Variants in EML4 observed in about 807,000 individuals in gnomAD.
EML4 encodes echinoderm microtubule-associated protein-like 4.
Under a neutral mutation model 129.0 loss-of-function variants are expected in EML4, and 72 were observed. That is an observed-to-expected ratio of 0.56 (90% CI 0.46 to 0.68). The LOEUF is 0.68. EML4 is among the 30% of genes least tolerant of loss of function. EML4 has a pLI of 0.00. For missense variants in EML4, 1,363 were observed against 1,190.6 expected, an observed-to-expected ratio of 1.14 and a Z score of -2.13; for synonymous variants, 532 against 405.0, an observed-to-expected ratio of 1.31 and a Z score of -3.77.
chr2:42,228,187 C>G (rs1034059040), intron 1 of EML4, among the ~76,000 whole-genome samples: 11 of 151,468 alleles, frequency 7.3e-5, no homozygotes, highest in African/African-American at 2.4e-4. Flanking sequence ...TGCCACTGCA[C>G]TCCAGCCTGG....
At chr2:42,310,335 T>TCCTTCC (rs1196446907) in intron 17 of EML4, among the ~76,000 whole-genome samples, 9 of 145,706 alleles carry the variant, frequency 6.2e-5, no homozygotes, top group Admixed American at 2.8e-4. Flanking sequence ...CTTCCCCTTC[T>TCCTTCC]CCTTCCCCTT....
intron 8 of EML4, 54 bp downstream of exon 8, chr2:42,283,026 ATTT>A: frequency 6.7e-7 from 1 of 1,483,462 alleles, no homozygotes; most frequent in Non-Finnish European, 9.1e-7. Flanking sequence ...CTCATTTTGT[ATTT>A]TTTAAATTTG....
chr2:42,235,950 C>A (rs1387199054), intron 1 of EML4, among the ~76,000 whole-genome samples: 2 of 152,154 alleles, frequency 1.3e-5, no homozygotes, highest in African/African-American at 4.8e-5. Flanking sequence ...TATCCCCCAT[C>A]TACTTTTACA....
chr2:42,264,236 TC>T (rs1665927979), intron 5 of EML4, among the ~76,000 whole-genome samples: 1 of 150,414 alleles, frequency 6.6e-6, no homozygotes, highest in South Asian at 2.1e-4. Flanking sequence ...TACCCCAGCT[TC>T]CTGGGTAGTT....
chr2:42,240,291 A>G (rs1674942307), intron 1 of EML4, among the ~76,000 whole-genome samples: 1 of 152,222 alleles, frequency 6.6e-6, no homozygotes, highest in Admixed American at 6.5e-5. Flanking sequence ...CGAATAATAC[A>G]GGAATACATA....
chr2:42,330,122 A>T lies in EML4; in HGVS notation c.2861A>T (p.Tyr954Phe). The change falls in exon 23 of 23, where the codon TAT (tyrosine) becomes TTT (phenylalanine). Residue 954 changes from tyrosine (Y) to phenylalanine (F), a missense_variant. Coordinates refer to ENST00000318522, the MANE Select transcript of EML4 (RefSeq NM_019063.5). Reference sequence around the variant, plus strand: ...AGCGGAGACCTTGGTGAGCCTCTTTATGAAGAGCCATGCAACGAGATAAGC... The same window carrying T: ...AGCGGAGACCTTGGTGAGCCTCTTTTTGAAGAGCCATGCAACGAGATAAGC... ...EGSGDLGEPLYEEPCNEISKE... is the reference protein window; with the variant it reads ...EGSGDLGEPLFEEPCNEISKE... 6.2e-7 allele frequency: 1 copy of T among 1,612,326 alleles called. No individual in the cohort carries two copies. Among genetic ancestry groups the T allele is most frequent in the Non-Finnish European group, 8.5e-7 (1 of 1,179,748 alleles).
At chr2:42,190,069 T>C (rs1378329635) in intron 1 of EML4, among the ~76,000 whole-genome samples, 1 of 152,038 alleles carries the variant, frequency 6.6e-6, no homozygotes, top group Non-Finnish European at 1.5e-5. Flanking sequence ...AATTTAGAAA[T>C]GCAGGGAAGA....
At chr2:42,229,658 AT>A (rs1292279488) in intron 1 of EML4, among the ~76,000 whole-genome samples, 3 of 151,970 alleles carry the variant, frequency 2.0e-5, no homozygotes, top group African/African-American at 7.3e-5. Flanking sequence ...AGTAAAGTAG[AT>A]TTTTTTTCTT....
In EML4 at chr2:42,276,143, A is replaced by G. The variant is rs138799415; in HGVS notation, c.668-4707A>G. Among the ~76,000 whole-genome samples, 15 of 152,264 alleles carry G rather than the reference A, an allele frequency of 9.9e-5. No homozygotes were observed. The East Asian group carries it at 2.9e-3, about 29-fold the overall frequency. ...ATTTTACCTAATACCCAAGGTAAAG[A>G]GTGTCTTCCTAAAAGAAGAGGTTGC... On this transcript the variant is annotated intron_variant, in intron 6 of 22. Transcript: ENST00000318522.
chr2:42,237,752 TC>T (rs1558528259), intron 1 of EML4, among the ~76,000 whole-genome samples: 1 of 152,166 alleles, frequency 6.6e-6, no homozygotes, highest in Non-Finnish European at 1.5e-5. Context: ...ATTAAGAAAG[TC>T]ATAAGGAAAA....
intron 11 of EML4, among the ~76,000 whole-genome samples, chr2:42,291,615 A>G (rs1006110594): frequency 6.6e-6 from 1 of 151,988 alleles, no homozygotes; most frequent in Non-Finnish European, 1.5e-5. Context: ...CATGTTGGCC[A>G]GGCTGGTCTC....
At chr2:42,253,384 A>G (rs1675903491) in intron 2 of EML4, among the ~76,000 whole-genome samples, 1 of 152,226 alleles carries the variant, frequency 6.6e-6, no homozygotes, top group Non-Finnish European at 1.5e-5. Context: ...TGAAATTACG[A>G]TGCATATTAC....
intron 1 of EML4, among the ~76,000 whole-genome samples, chr2:42,211,421 C>CT (rs1389108912): frequency 6.6e-6 from 1 of 152,180 alleles, no homozygotes; most frequent in Non-Finnish European, 1.5e-5. Flanking sequence ...TGATCAGAGA[C>CT]TGATTGAACA....
Position 42,294,622 on chromosome 2 carries a change from G to A in EML4, c.1219-503G>A, listed in dbSNP as rs557431122. ...AAGGCAGGAGAACCACTTGAACTCCGGAGGCAGAGGTTGCCGTGAGCCAAG... is the reference window on the plus strand; with the variant it reads ...AAGGCAGGAGAACCACTTGAACTCCAGAGGCAGAGGTTGCCGTGAGCCAAG... On this transcript the variant is annotated intron_variant, in intron 11 of 22. Coordinates refer to ENST00000318522, the MANE Select transcript of EML4 (RefSeq NM_019063.5). Among the ~76,000 whole-genome samples, 7 of 152,158 alleles carry A rather than the reference G, an allele frequency of 4.6e-5. No homozygotes were observed. In the South Asian group the frequency reaches 6.2e-4, roughly 14 times the overall value.
At chr2:42,276,257 G>T (rs1267833233) in intron 6 of EML4, among the ~76,000 whole-genome samples, 1 of 152,062 alleles carries the variant, frequency 6.6e-6, no homozygotes, top group African/African-American at 2.4e-5. Context: ...AAATTGGCAG[G>T]TTTCACAATA....
At chr2:42,272,262 A>G (rs927797285) in intron 6 of EML4, among the ~76,000 whole-genome samples, 2 of 152,162 alleles carry the variant, frequency 1.3e-5, no homozygotes, top group Non-Finnish European at 2.9e-5. Context: ...AGGAAAAAGC[A>G]TAGTAAATCC....
In EML4 at chr2:42,330,229, CT is replaced by C; in HGVS notation, c.*26del. 6.3e-7 allele frequency: 1 copy of C among 1,598,494 alleles called. No individual in the cohort carries two copies. Among genetic ancestry groups the C allele is most frequent in the Non-Finnish European group, 8.6e-7 (1 of 1,166,910 alleles). ...CTAACACCCTGGCTTCAGTGCAACT[CT>C]TTTCCTTCAGCTGCATGTGATTTTG... is the stretch of plus-strand genomic sequence containing the variant. On this transcript the variant is annotated 3_prime_UTR_variant, in exon 23 of 23. Transcript: ENST00000318522.
intron 1 of EML4, among the ~76,000 whole-genome samples, chr2:42,176,080 A>G (rs1422048017): frequency 2.0e-5 from 3 of 151,462 alleles, no homozygotes; most frequent in Non-Finnish European, 2.9e-5. Flanking sequence ...ACTCTTTATA[A>G]CCCTCAGGTA....
chr2:42,265,041 T>G (rs1665977775), intron 6 of EML4: 2 of 1,240,564 alleles, frequency 1.6e-6, no homozygotes, highest in East Asian at 5.1e-5. Context: ...CTGCCTGACT[T>G]TCTTCCTTAA....
Sources: allele counts gnomAD v4.1 joint callset (sites outside exome capture counted in the v4.1 genomes callset), GRCh38; gene constraint gnomAD v4.1.1; transcripts MANE v1.5; gene names NCBI Gene and HGNC (gene_info 2026-07-23, HGNC 2026-07-21).